NMNAT2: variants seen among roughly 807,000 people sequenced by gnomAD.
NMNAT2 encodes the protein nicotinamide nucleotide adenylyltransferase 2, also known as nicotinamide/nicotinic acid mononucleotide adenylyltransferase 2.
In NMNAT2, 11 loss-of-function variants were observed where a neutral mutation model predicts 41.6. The ratio of observed to expected loss-of-function variants is 0.26; its 90% confidence interval spans 0.17 to 0.44. The LOEUF is 0.44. Among genes scored for constraint, NMNAT2 ranks in the 20% least tolerant of loss-of-function variants. The pLI is 1.00. For synonymous variants in NMNAT2, 148 were observed against 151.2 expected, an observed-to-expected ratio of 0.98 and a Z score of 0.16; for missense variants, 288 against 407.7, an observed-to-expected ratio of 0.71 and a Z score of 2.53.
At chr1:183,389,802 A>AGGG (rs1557897619) in intron 1 of NMNAT2, among the ~76,000 whole-genome samples, 1 of 84,264 alleles carries the variant, frequency 1.2e-5, no homozygotes. Context: ...GAAAGAAAGA[A>AGGG]AGAAAGAAAG....
At chr1:183,278,734 G>A in intron 7 of NMNAT2, 105 bp from the exon 8 acceptor site, 2 of 793,804 alleles carry the variant, frequency 2.5e-6, no homozygotes, top group Non-Finnish European at 4.4e-6. Flanking sequence ...CCCACCTTTG[G>A]GGATGTGGGG....
intron 1 of NMNAT2, among the ~76,000 whole-genome samples, chr1:183,328,886 G>C (rs188102198): frequency 5.3e-5 from 8 of 152,334 alleles, no homozygotes; most frequent in Non-Finnish European, 1.0e-4. Flanking sequence ...TATTTGGATT[G>C]CAGGAGAGAG....
At chr1:183,309,908 G>A (rs1662072698) in intron 1 of NMNAT2, among the ~76,000 whole-genome samples, 1 of 152,162 alleles carries the variant, frequency 6.6e-6, no homozygotes, top group African/African-American at 2.4e-5. Flanking sequence ...AGTGCCCCCT[G>A]GAAGATCAGA....
intron 8 of NMNAT2, among the ~76,000 whole-genome samples, chr1:183,262,036 C>G (rs1394882324): frequency 1.3e-5 from 2 of 152,056 alleles, no homozygotes; most frequent in Admixed American, 1.3e-4. Flanking sequence ...AGCAATCTTC[C>G]CACCTCAGCC....
chr1:183,415,814 T>G (rs2101934687), intron 1 of NMNAT2, among the ~76,000 whole-genome samples: 1 of 152,344 alleles, frequency 6.6e-6, no homozygotes, highest in East Asian at 1.9e-4. Flanking sequence ...CAAAAATAGT[T>G]GAATGTGTAT....
chr1:183,252,697 G>A lies in NMNAT2; in HGVS notation c.868C>T (p.Gln290Ter). The stretch of plus-strand genomic sequence containing the variant: ...TTGAGGATGTAGTCGATGACCGGCT[G>A]GGACAGGTAATCCACAACATGGCCG... ...GDGHVVDYLSQPVIDYILKSQ... is the reference protein window; with the variant it reads ...GDGHVVDYLS The change falls in exon 11 of 11, where the codon CAG (glutamine) becomes TAG (stop). Residue 290 changes from glutamine to a stop codon, truncating the protein, a stop_gained. Coordinates refer to ENST00000287713, the MANE Select transcript of NMNAT2 (RefSeq NM_015039.4). LOFTEE classifies it high-confidence loss of function. 6.2e-7 allele frequency: 1 copy of A among 1,614,076 alleles called. No homozygotes were observed. The highest frequency in any genetic ancestry group is 8.5e-7 in the Non-Finnish European group (1 of 1,179,974).
rs543509119 is a variant in NMNAT2 at position 183,397,796 on chromosome 1, T to C, written c.85+20387A>G. ...AAAGAATTTTCAACGCAGAATTTCA[T>C]GTCCAGCCAAACTAAGCTTCATAAG... is the stretch of plus-strand genomic sequence containing the variant. On this transcript the variant is annotated intron_variant, in intron 1 of 10. Transcript: ENST00000287713. Among the ~76,000 whole-genome samples, 18 of 152,298 alleles carry C rather than the reference T, an allele frequency of 1.2e-4. No individual in the cohort carries two copies. The South Asian group carries it at 3.3e-3, about 28-fold the overall frequency.
intron 1 of NMNAT2, among the ~76,000 whole-genome samples, chr1:183,331,221 A>G (rs899862558): frequency 1.5e-5 from 2 of 137,488 alleles, no homozygotes; most frequent in African/African-American, 5.1e-5. Context: ...CTGGAACTGG[A>G]AAGAGGGCAG....
chr1:183,289,545 C>A (rs545850234), intron 4 of NMNAT2, among the ~76,000 whole-genome samples: 1 of 152,346 alleles, frequency 6.6e-6, no homozygotes, highest in East Asian at 1.9e-4. Flanking sequence ...ATGTGGACTC[C>A]TCTCTGTGAT....
intron 1 of NMNAT2, among the ~76,000 whole-genome samples, chr1:183,373,910 G>T (rs1053586146): frequency 6.6e-6 from 1 of 152,312 alleles, no homozygotes; most frequent in East Asian, 1.9e-4. Context: ...GAGCCACTGC[G>T]CCTGGCCAGT....
intron 4 of NMNAT2, among the ~76,000 whole-genome samples, chr1:183,289,755 C>G (rs1034997931): frequency 6.6e-5 from 10 of 152,198 alleles, no homozygotes; most frequent in African/African-American, 2.4e-4. Context: ...CTTCTCCTGC[C>G]TTTCATTGTC....
chr1:183,391,859 G>C (rs1026903258), intron 1 of NMNAT2, among the ~76,000 whole-genome samples: 1 of 152,108 alleles, frequency 6.6e-6, no homozygotes, highest in Non-Finnish European at 1.5e-5. Context: ...TTGACTTCCA[G>C]GGCATCACTG....
At chr1:183,328,216 A>G (rs2102336666) in intron 1 of NMNAT2, among the ~76,000 whole-genome samples, 1 of 152,178 alleles carries the variant, frequency 6.6e-6, no homozygotes, top group Non-Finnish European at 1.5e-5. Flanking sequence ...GCCGCAGGCC[A>G]GGACCCTGGC....
chr1:183,353,161 C>T lies in NMNAT2; in HGVS notation c.86-59368G>A, dbSNP rs186202306. ...AGCTGGGATTACAGGTGCCTGCCATCGTGCCCGGCTAGTTTTTTGTATTTT... is the reference window on the plus strand; with the variant it reads ...AGCTGGGATTACAGGTGCCTGCCATTGTGCCCGGCTAGTTTTTTGTATTTT... On this transcript the variant is annotated intron_variant, in intron 1 of 10. Coordinates refer to ENST00000287713, the MANE Select transcript of NMNAT2 (RefSeq NM_015039.4). Among the ~76,000 whole-genome samples, 32 of 152,182 alleles carry T rather than the reference C, an allele frequency of 2.1e-4. No individual in the cohort carries two copies. The Middle Eastern group carries it at 0.014, about 65-fold the overall frequency.
chr1:183,418,337 G>C lies in NMNAT2; in HGVS notation c.-70C>G, dbSNP rs2101936289. 1 of 1,480,630 alleles carries C rather than the reference G, an allele frequency of 6.8e-7. No homozygotes were observed. Among genetic ancestry groups the C allele is most frequent in the South Asian group, 1.1e-5 (1 of 88,152 alleles). 91.7% of individuals were successfully genotyped at this position (1,480,630 alleles called of 1,614,324 possible). A position where few individuals can be genotyped will look rare whatever the true frequency, so the allele number is the denominator to read the frequency against. On this transcript the variant is annotated 5_prime_UTR_variant, in exon 1 of 11. Transcript: ENST00000287713. ...TTTGTGTCTCGTTGTGTCTGCAGAG[G>C]GAGAAAGGAAGGCGAGGCTCCGGCG...
In NMNAT2 at chr1:183,252,473, G is replaced by A. The variant is rs1050873528; in HGVS notation, c.*168C>T. On this transcript the variant is annotated 3_prime_UTR_variant, in exon 11 of 11. Transcript: ENST00000287713. ...GAAAGTCTGTCCAAAGATGACTGTGGAATAGGGAATGCCATGGTTCTCTGC... is the reference window on the plus strand; with the variant it reads ...GAAAGTCTGTCCAAAGATGACTGTGAAATAGGGAATGCCATGGTTCTCTGC... 1.6e-5 allele frequency: 10 copies of A among 642,848 alleles called. No individual in the cohort carries two copies. The South Asian group carries it at 1.8e-4, about 12-fold the overall frequency. The allele number at this position is 642,848 out of a possible 1,614,324, so 39.8% of individuals were successfully genotyped here.
At chr1:183,255,002 A>G (rs1245280800) in intron 10 of NMNAT2, among the ~76,000 whole-genome samples, 2 of 152,176 alleles carry the variant, frequency 1.3e-5, no homozygotes, top group Non-Finnish European at 2.9e-5. Flanking sequence ...GACCAATGTC[A>G]AGGAGATTTT....
At chr1:183,292,685 C>G in intron 3 of NMNAT2, 105 bp downstream of exon 3, 1 of 1,041,220 alleles carries the variant, frequency 9.6e-7, no homozygotes, top group Non-Finnish European at 1.5e-6. Context: ...CCTGCCTCCC[C>G]ATCCTTTCAG....
At chr1:183,294,280 A>G (rs1219505762) in intron 1 of NMNAT2, among the ~76,000 whole-genome samples, 2 of 152,274 alleles carry the variant, frequency 1.3e-5, no homozygotes, top group Non-Finnish European at 2.9e-5. Flanking sequence ...GTAGATAATT[A>G]CAAAGAATTA....
Sources: allele counts gnomAD v4.1 joint callset (sites outside exome capture counted in the v4.1 genomes callset), GRCh38; gene constraint gnomAD v4.1.1; transcripts MANE v1.5; gene names NCBI Gene and HGNC (gene_info 2026-07-23, HGNC 2026-07-21).